The following ARHGEF3 variants were observed in gnomAD, a reference collection of about 807,000 sequenced individuals.
ARHGEF3 encodes 59.8 kDA protein.
In ARHGEF3, 28 loss-of-function variants were observed where a neutral mutation model predicts 63.2. That is an observed-to-expected ratio of 0.44 (90% CI 0.33 to 0.61). ARHGEF3 has a LOEUF of 0.61. Among genes scored for constraint, ARHGEF3 ranks in the 20% least tolerant of loss-of-function variants. The pLI, the probability that ARHGEF3 is intolerant of heterozygous loss-of-function variation, is 0.03. For synonymous variants in ARHGEF3, 266 were observed against 254.2 expected (o/e 1.05, Z -0.44); for missense variants, 533 against 659.3 (o/e 0.81, Z 2.10).
At chr3:56,851,376 C>T (rs1357869615) in intron 4 of ARHGEF3, among the ~76,000 whole-genome samples, 1 of 152,154 alleles carries the variant, frequency 6.6e-6, no homozygotes, top group African/African-American at 2.4e-5. Flanking sequence ...GTCTTTCCTT[C>T]AATACTATTG....
intron 4 of ARHGEF3, among the ~76,000 whole-genome samples, chr3:56,856,665 T>A (rs2039893227): frequency 6.7e-6 from 1 of 150,196 alleles, no homozygotes; most frequent in Non-Finnish European, 1.5e-5. Context: ...TTTAGAATTT[T>A]CCTAAAGTGA....
chr3:56,880,466 G>C (rs1030624167), intron 4 of ARHGEF3, among the ~76,000 whole-genome samples: 7 of 67,380 alleles, frequency 1.0e-4, no homozygotes, highest in South Asian at 4.6e-4. Flanking sequence ...TACAATGTTA[G>C]TGGTTCTTCG....
chr3:56,923,057 T>A (rs1289645648), intron 3 of ARHGEF3, among the ~76,000 whole-genome samples: 15 of 14,782 alleles, frequency 1.0e-3, no homozygotes, highest in African/African-American at 2.3e-3. Context: ...TATATATATA[T>A]ATATATATAT....
chr3:56,896,322 T>C (rs1234202844), intron 3 of ARHGEF3, among the ~76,000 whole-genome samples: 1 of 152,182 alleles, frequency 6.6e-6, no homozygotes, highest in Non-Finnish European at 1.5e-5. Flanking sequence ...TTTTTCTTCC[T>C]AATTATTTGA....
intron 2 of ARHGEF3, among the ~76,000 whole-genome samples, chr3:56,990,094 C>A (rs775532347): frequency 6.6e-6 from 1 of 152,252 alleles, no homozygotes; most frequent in Non-Finnish European, 1.5e-5. Context: ...CCCCATCTAC[C>A]ATCTTCTTCC....
chr3:57,058,621 G>C (rs541396711), intron 1 of ARHGEF3, among the ~76,000 whole-genome samples: 6 of 152,202 alleles, frequency 3.9e-5, no homozygotes, highest in Admixed American at 3.9e-4. Context: ...AATACCATTT[G>C]ACCCAGCCAT....
chr3:56,946,032 C>A (rs976678308), intron 3 of ARHGEF3, among the ~76,000 whole-genome samples: 2 of 152,188 alleles, frequency 1.3e-5, no homozygotes, highest in Non-Finnish European at 2.9e-5. Flanking sequence ...TGGAGTGGAC[C>A]TCCAGCAAAC....
chr3:56,832,562 C>T (rs918535370), intron 4 of ARHGEF3, among the ~76,000 whole-genome samples: 8 of 152,174 alleles, frequency 5.3e-5, no homozygotes, highest in Middle Eastern at 3.2e-3. Flanking sequence ...TATATCCTAC[C>T]AGTCCATTTC....
intron 3 of ARHGEF3, among the ~76,000 whole-genome samples, chr3:56,908,473 G>A (rs1178822095): frequency 6.6e-6 from 1 of 152,226 alleles, no homozygotes; most frequent in Non-Finnish European, 1.5e-5. Context: ...GAGGTGAGGT[G>A]ACAAGCACTT....
chr3:56,992,552 CTA>C (rs1579039983), intron 2 of ARHGEF3, among the ~76,000 whole-genome samples: 3 of 152,052 alleles, frequency 2.0e-5, no homozygotes, highest in South Asian at 4.1e-4. Flanking sequence ...CATGGGAGAA[CTA>C]TGTTTCCTGG....
intron 2 of ARHGEF3, 74 bp downstream of exon 2, chr3:56,773,635 C>G: frequency 7.7e-7 from 1 of 1,304,520 alleles, no homozygotes; most frequent in East Asian, 2.5e-5. Flanking sequence ...AGGGGAAATT[C>G]TAGGTAGGAT....
intron 4 of ARHGEF3, among the ~76,000 whole-genome samples, chr3:56,752,884 C>A (rs541154640): frequency 2.0e-5 from 3 of 152,300 alleles, no homozygotes; most frequent in South Asian, 2.1e-4. Flanking sequence ...AGGGATGTAG[C>A]CTTCCAACCC....
chr3:57,031,406 T>G (rs1256763273), intron 2 of ARHGEF3, among the ~76,000 whole-genome samples: 1 of 152,196 alleles, frequency 6.6e-6, no homozygotes, highest in African/African-American at 2.4e-5. Flanking sequence ...AAATGCCGTC[T>G]TTACTGGGTA....
intron 2 of ARHGEF3, among the ~76,000 whole-genome samples, chr3:56,758,259 C>T (rs1178625859): frequency 1.3e-5 from 2 of 148,892 alleles, no homozygotes; most frequent in African/African-American, 2.5e-5. Context: ...CCAGCCTGGG[C>T]GACAGAGCAA....
chr3:56,785,417 A>G (rs527580633), intron 1 of ARHGEF3, among the ~76,000 whole-genome samples: 1 of 152,208 alleles, frequency 6.6e-6, no homozygotes, highest in East Asian at 1.9e-4. Context: ...CACTGCCACC[A>G]ACACTGCTGA....
chr3:56,910,709 C>T (rs554801177), intron 3 of ARHGEF3, among the ~76,000 whole-genome samples: 11 of 152,030 alleles, frequency 7.2e-5, no homozygotes, highest in African/African-American at 2.2e-4. Context: ...ATAATAGTAC[C>T]GGTGGTATGT....
At position 56,729,366 on chromosome 3, in the gene ARHGEF3, A is replaced by G. The variant is rs931969388; in HGVS notation, c.1485T>C (p.Cys495=). 1.9e-6 allele frequency: 3 copies of G among 1,613,856 alleles called. No individual in the cohort carries two copies. The highest frequency in any genetic ancestry group is 4.5e-5 in the East Asian group (2 of 44,874). ...GGCTGACCTCACTCGTGTCCATACT[A>G]CAGTCTGACTCACTGTCCGATTGGT... The part of the protein sequence containing the change: ...QMDQSDSESD[C]SMDTSEVSLD... The change falls in exon 10 of 10, where the codon TGT becomes TGC. Residue 495 remains cysteine, a synonymous_variant. Transcript: ENST00000296315.
chr3:56,886,603 A>G (rs1028278301), intron 3 of ARHGEF3, among the ~76,000 whole-genome samples: 1 of 152,210 alleles, frequency 6.6e-6, no homozygotes, highest in African/African-American at 2.4e-5. Context: ...GTGCAACAGG[A>G]CACGGCACTC....
At chr3:56,745,814 G>C (rs1394671486) in intron 6 of ARHGEF3, among the ~76,000 whole-genome samples, 1 of 152,266 alleles carries the variant, frequency 6.6e-6, no homozygotes, top group Admixed American at 6.5e-5. Flanking sequence ...TGGGACTACA[G>C]GCGCCCGCCA....
Sources: gnomAD v4.1 joint callset for allele counts (sites outside exome capture counted in the v4.1 genomes callset) on GRCh38, gnomAD v4.1.1 for gene constraint, MANE v1.5 for transcripts, NCBI Gene and HGNC (gene_info 2026-07-23, HGNC 2026-07-21) for gene names.